Variants in PRKN observed in about 807,000 individuals in gnomAD.
The protein encoded by PRKN is E3 ubiquitin-protein ligase parkin.
A neutral mutation model predicts 59.5 loss-of-function variants in PRKN; 56 were observed. The observed-to-expected ratio is 0.94, with a 90% CI of 0.76 to 1.18. The LOEUF is 1.18. PRKN is among the 50% of genes most tolerant of loss of function. The pLI, the probability that PRKN is intolerant of heterozygous loss-of-function variation, is 0.00. For missense variants in PRKN, 657 were observed against 596.4 expected (o/e 1.10, Z -1.06); for synonymous variants, 250 against 222.1 (o/e 1.13, Z -1.12).
At position 161,498,522 on chromosome 6, in the gene PRKN, G is replaced by A. The variant is rs950319909; in HGVS notation, c.1083+50332C>T. Among the ~76,000 whole-genome samples, 4 of 152,112 alleles carry A rather than the reference G, an allele frequency of 2.6e-5. No individual in the cohort carries two copies. The highest frequency in any genetic ancestry group is 4.4e-5 in the Non-Finnish European group (3 of 68,028). On this transcript the variant is annotated intron_variant, in intron 9 of 11. Coordinates refer to ENST00000366898, the MANE Select transcript of PRKN (RefSeq NM_004562.3). This position sits in a 1 kb window ranked among gnomAD's most constrained non-coding sequence, Gnocchi z 4.2. ...TGCTGTCCTAACCCAGTTAGATGTC[G>A]TCAAATGCCTTGTTTGGCCAATGAA...
intron 7 of PRKN, among the ~76,000 whole-genome samples, chr6:161,773,695 C>T (rs150586349): frequency 6.6e-6 from 1 of 152,216 alleles, no homozygotes; most frequent in African/African-American, 2.4e-5. Context: ...GTAGAATGTG[C>T]TTTTTAAGAG....
chr6:161,401,477 G>A lies in PRKN; in HGVS notation c.1084-14600C>T, dbSNP rs953127167. Among the ~76,000 whole-genome samples the A allele has an allele frequency of 6.6e-6, 1 of 152,098 alleles. No individual in the cohort carries two copies. Among genetic ancestry groups the A allele is most frequent in the African/African-American group, 2.4e-5 (1 of 41,398 alleles). ...AATACAAAAACGTTAGCTGGGCGTG[G>A]TGGTGGACGCCTGTAATCCCAGCTA... On this transcript the variant is annotated intron_variant, in intron 9 of 11. Transcript: ENST00000366898. This position sits in a 1 kb window ranked among gnomAD's most constrained non-coding sequence, Gnocchi z 4.4.
intron 2 of PRKN, among the ~76,000 whole-genome samples, chr6:162,320,752 A>T (rs765742528): frequency 2.6e-5 from 4 of 151,822 alleles, no homozygotes; most frequent in Non-Finnish European, 5.9e-5. Flanking sequence ...ATGAAAGTTT[A>T]TTATGAAATA....
At chr6:162,100,066 T>C (rs1293837656) in intron 4 of PRKN, among the ~76,000 whole-genome samples, 1 of 152,260 alleles carries the variant, frequency 6.6e-6, no homozygotes, top group Non-Finnish European at 1.5e-5. Context: ...TAACATCATG[T>C]CCTTCAGGTT....
rs183366769 is a variant in PRKN at position 162,707,231 on chromosome 6, T to G, written c.7+20431A>C. The stretch of plus-strand genomic sequence containing the variant: ...GTATCTAGCAACCTCATTTTTAGGA[T>G]GTACAATATCTAAATATTAGTTATT... On this transcript the variant is annotated intron_variant, in intron 1 of 11. Coordinates refer to ENST00000366898, the MANE Select transcript of PRKN (RefSeq NM_004562.3). Among the ~76,000 whole-genome samples the G allele has an allele frequency of 7.2e-5, 11 of 152,352 alleles. No homozygotes were observed. In the East Asian group the frequency reaches 2.1e-3, roughly 29 times the overall value.
intron 1 of PRKN, among the ~76,000 whole-genome samples, chr6:162,619,144 CTTTTT>C (rs144005690): frequency 4.0e-4 from 53 of 132,178 alleles, no homozygotes; most frequent in African/African-American, 1.0e-3. Context: ...AGTATTTTTC[CTTTTT>C]TTTTTTTTTT....
intron 6 of PRKN, among the ~76,000 whole-genome samples, chr6:161,885,859 T>A (rs1319920381): frequency 6.6e-6 from 1 of 152,194 alleles, no homozygotes; most frequent in African/African-American, 2.4e-5. Flanking sequence ...ATTCAGACTC[T>A]ATGTCCCAAG....
intron 4 of PRKN, among the ~76,000 whole-genome samples, chr6:162,125,223 T>C (rs1261445670): frequency 6.6e-6 from 1 of 152,174 alleles, no homozygotes; most frequent in Non-Finnish European, 1.5e-5. Context: ...CCATAGGGAC[T>C]GTCTCCACAT....
intron 2 of PRKN, among the ~76,000 whole-genome samples, chr6:162,347,030 T>G (rs1327225691): frequency 6.6e-6 from 1 of 151,808 alleles, no homozygotes; most frequent in Non-Finnish European, 1.5e-5. Flanking sequence ...CTTTAGTATT[T>G]TTTTCTTGAT....
At chr6:162,373,529 TA>T (rs1785883296) in intron 2 of PRKN, among the ~76,000 whole-genome samples, 1 of 152,188 alleles carries the variant, frequency 6.6e-6, no homozygotes, top group Non-Finnish European at 1.5e-5. Context: ...CTTATGAAGC[TA>T]AAATGTGCAA....
chr6:161,966,959 G>A (rs1780604531), intron 6 of PRKN, among the ~76,000 whole-genome samples: 2 of 152,166 alleles, frequency 1.3e-5, no homozygotes, highest in Non-Finnish European at 2.9e-5. Flanking sequence ...AGCCTCCCAA[G>A]TAGGTGGGAC....
At chr6:161,613,247 T>C (rs893105810) in intron 7 of PRKN, among the ~76,000 whole-genome samples, 27 of 152,172 alleles carry the variant, frequency 1.8e-4, no homozygotes, top group African/African-American at 6.3e-4. Context: ...ATAACTCAGA[T>C]GTATTGGAAA....
intron 5 of PRKN, among the ~76,000 whole-genome samples, chr6:162,032,665 A>T (rs1783685304): frequency 6.6e-6 from 1 of 152,212 alleles, no homozygotes; most frequent in South Asian, 2.1e-4. Context: ...TTAAAGTAAA[A>T]TGCCAAGGTT....
intron 3 of PRKN, among the ~76,000 whole-genome samples, chr6:162,223,940 G>A (rs564808846): frequency 6.6e-6 from 1 of 152,212 alleles, no homozygotes; most frequent in South Asian, 2.1e-4. Flanking sequence ...GACAGGGAAT[G>A]AAGGACTACA....
intron 7 of PRKN, among the ~76,000 whole-genome samples, chr6:161,696,206 C>T (rs186648113): frequency 1.8e-3 from 269 of 152,276 alleles, no homozygotes; most frequent in Non-Finnish European, 3.2e-3. Context: ...TTTTGGAAAA[C>T]CATTTTTTTC....
intron 7 of PRKN, among the ~76,000 whole-genome samples, chr6:161,755,460 G>T (rs1361719267): frequency 1.3e-5 from 2 of 152,054 alleles, no homozygotes; most frequent in Non-Finnish European, 2.9e-5. Context: ...ATATCGAAGG[G>T]TTATGGATAT....
At chr6:162,033,451 T>G (rs1783716661) in intron 5 of PRKN, among the ~76,000 whole-genome samples, 1 of 152,228 alleles carries the variant, frequency 6.6e-6, no homozygotes, top group South Asian at 2.1e-4. Context: ...CAATGCATAC[T>G]TTATATATAT....
At chr6:161,426,921 A>G (rs912223596) in intron 9 of PRKN, among the ~76,000 whole-genome samples, 2 of 150,556 alleles carry the variant, frequency 1.3e-5, no homozygotes, top group East Asian at 1.9e-4. Flanking sequence ...GGGTTTCATC[A>G]TGTTAGCCAG....
intron 2 of PRKN, among the ~76,000 whole-genome samples, chr6:162,411,109 A>G (rs1339249886): frequency 6.6e-6 from 1 of 152,198 alleles, no homozygotes; most frequent in Non-Finnish European, 1.5e-5. Flanking sequence ...TAATCTATTT[A>G]AAGAGAAATA....
Sources: gnomAD v4.1 joint callset for allele counts (sites outside exome capture counted in the v4.1 genomes callset) on GRCh38, gnomAD v4.1.1 for gene constraint, Gnocchi (gnomAD v3.1) non-coding constraint, MANE v1.5 for transcripts, NCBI Gene and HGNC (gene_info 2026-07-23, HGNC 2026-07-21) for gene names.